Variants in PCNT observed in about 807,000 individuals in gnomAD.
PCNT encodes pericentrin, also known as kendrin.
Under a neutral mutation model 380.4 loss-of-function variants are expected in PCNT, and 319 were observed. That is an observed-to-expected ratio of 0.84 (90% confidence interval 0.77 to 0.92). The LOEUF (loss-of-function observed/expected upper bound fraction) is 0.92. Among genes scored for constraint, PCNT ranks in the 40% least tolerant of loss-of-function variants. The pLI, the probability that PCNT is intolerant of heterozygous loss-of-function variation, is 0.00. For missense variants in PCNT, 4,400 were observed against 4,255.3 expected, an observed-to-expected ratio of 1.03 and a Z score of -0.95; for synonymous variants, 1,845 against 1,735.2, an observed-to-expected ratio of 1.06 and a Z score of -1.57.
chr21:46,341,946 AT>A (rs11384688), intron 3 of PCNT, among the ~76,000 whole-genome samples: 5 of 145,062 alleles, frequency 3.4e-5, no homozygotes, highest in African/African-American at 2.5e-5. Flanking sequence ...CTTTTTACTT[AT>A]TTTTTTTTTT....
In PCNT at chr21:46,355,444, C is replaced by G; in HGVS notation, c.1762-8C>G. The G allele has an allele frequency of 6.2e-7, 1 of 1,613,500 alleles. No homozygotes were observed. The highest frequency in any genetic ancestry group is 1.7e-5 in the Admixed American group (1 of 60,034). On this transcript the variant is annotated splice_polypyrimidine_tract_variant and splice_region_variant and intron_variant, in intron 11 of 46. Coordinates refer to ENST00000359568, the MANE Select transcript of PCNT (RefSeq NM_006031.6). ...CTAACGTGCTTGTCCCACGTGGTTT[C>G]TCTGTAGGAGAGCCTGCCACGCTTC...
chr21:46,330,186 T>C (rs1266864632), intron 2 of PCNT, among the ~76,000 whole-genome samples: 1 of 152,078 alleles, frequency 6.6e-6, no homozygotes, highest in East Asian at 1.9e-4. Context: ...GGCGCAATCA[T>C]GGCTCATTCC....
intron 15 of PCNT, among the ~76,000 whole-genome samples, chr21:46,371,589 C>T (rs374406575): frequency 6.6e-6 from 1 of 152,210 alleles, no homozygotes; most frequent in Non-Finnish European, 1.5e-5. Context: ...ACTGAGTAGT[C>T]GGAATCCCCC....
chr21:46,337,469 C>T (rs532807924), intron 3 of PCNT, among the ~76,000 whole-genome samples: 9 of 152,334 alleles, frequency 5.9e-5, no homozygotes, highest in African/African-American at 2.2e-4. Flanking sequence ...TTCCCCAGCC[C>T]TTCACTAAGG....
At chr21:46,390,294 A>G (rs1274577261) in intron 19 of PCNT, among the ~76,000 whole-genome samples, 2 of 152,268 alleles carry the variant, frequency 1.3e-5, no homozygotes, top group East Asian at 3.8e-4. Flanking sequence ...GCCTGGGTGC[A>G]GAGCAAGACC....
At chr21:46,377,608 T>C (rs2085370638) in intron 15 of PCNT, among the ~76,000 whole-genome samples, 1 of 152,156 alleles carries the variant, frequency 6.6e-6, no homozygotes. Flanking sequence ...CTCGTGCCTA[T>C]AGTCCCAGCA....
At chr21:46,414,825 G>GCTC (rs948109941) in intron 29 of PCNT, among the ~76,000 whole-genome samples, 1 of 118,738 alleles carries the variant, frequency 8.4e-6, no homozygotes, top group Non-Finnish European at 1.8e-5. Flanking sequence ...CGCCCACCCT[G>GCTC]CTCCTCCTCC....
In PCNT at chr21:46,442,586, C is replaced by A; in HGVS notation, c.9700+13C>A. The A allele has an allele frequency of 6.5e-7, 1 of 1,531,804 alleles. No homozygotes were observed. The allele number at this position is 1,531,804 out of a possible 1,614,324, so 94.9% of individuals were successfully genotyped here. ...GCCCCTCGCCCAGGTGGGACTCCAG[C>A]TGCTGTTGACCGCTGGACTCACAAA... On this transcript the variant is annotated intron_variant, in intron 44 of 46. Transcript: ENST00000359568.
At position 46,431,872 on chromosome 21, in the gene PCNT, A is replaced by C. The variant is rs772047355; in HGVS notation, c.8408A>C (p.Asp2803Ala). ...KLKEEKSRVV[D>A]LQAMLEKVQQ... is the part of the protein sequence containing the mutation. ...AAGGAGGAGAAGTCCCGGGTGGTGGACTTGCAAGCGATGCTTGAAAAGGTG... is the reference window on the plus strand; with the variant it reads ...AAGGAGGAGAAGTCCCGGGTGGTGGCCTTGCAAGCGATGCTTGAAAAGGTG... Residue 2803 changes from aspartate (D) to alanine (A), a missense_variant, in exon 38 of 47, where the codon GAC (aspartate) becomes GCC (alanine). Asp to Ala is a moderately radical substitution (Grantham distance 126). Coordinates refer to ENST00000359568, the MANE Select transcript of PCNT (RefSeq NM_006031.6). 6.2e-7 allele frequency: 1 copy of C among 1,614,024 alleles called. No individual in the cohort carries two copies.
At chr21:46,440,024 C>T (rs960267092) in intron 41 of PCNT, 59 bp from the exon 42 acceptor site, 2 of 1,611,044 alleles carry the variant, frequency 1.2e-6, no homozygotes, top group Admixed American at 1.7e-5. Context: ...GGCTGCGTCT[C>T]TAAGATGCTC....
intron 41 of PCNT, among the ~76,000 whole-genome samples, chr21:46,439,170 A>G (rs2053541794): frequency 6.6e-6 from 1 of 152,136 alleles, no homozygotes; most frequent in Non-Finnish European, 1.5e-5. Flanking sequence ...ACACACACAC[A>G]CATCCCTGTA....
intron 29 of PCNT, among the ~76,000 whole-genome samples, chr21:46,413,955 C>T (rs1044179646): frequency 2.1e-4 from 32 of 151,980 alleles, no homozygotes; most frequent in African/African-American, 7.2e-4. Context: ...TCTCCTCAGG[C>T]CGCATCAGGT....
At chr21:46,418,917 C>T (rs1168783661) in intron 31 of PCNT, among the ~76,000 whole-genome samples, 1 of 152,186 alleles carries the variant, frequency 6.6e-6, no homozygotes, top group African/African-American at 2.4e-5. Flanking sequence ...TGTGATGGTG[C>T]CTGCCAGGTT....
At chr21:46,431,084 T>C in intron 37 of PCNT, 1 of 985,474 alleles carries the variant, frequency 1.0e-6, no homozygotes, top group Non-Finnish European at 1.2e-6. Context: ...GGTTATGGCT[T>C]TCAACAGCAT....
chr21:46,443,993 C>T (rs952513177), intron 45 of PCNT, 45 bp downstream of exon 45: 14 of 1,595,480 alleles, frequency 8.8e-6, no homozygotes, highest in Non-Finnish European at 1.2e-5. Flanking sequence ...AGGGCTCTCC[C>T]TCCAGCCTAC....
chr21:46,367,240 T>A, intron 15 of PCNT, 101 bp downstream of exon 15: 1 of 977,130 alleles, frequency 1.0e-6, no homozygotes, highest in Non-Finnish European at 1.6e-6. Context: ...TGTGTGTGCC[T>A]GTGCGGGTGT....
intron 28 of PCNT, among the ~76,000 whole-genome samples, chr21:46,412,506 G>A (rs1290899186): frequency 6.6e-6 from 1 of 152,166 alleles, no homozygotes; most frequent in African/African-American, 2.4e-5. Flanking sequence ...GTCTTTTAAG[G>A]CTTCCACTTG....
rs1237643335 is a variant in PCNT at position 46,432,188 on chromosome 21, G to A, written c.8724G>A (p.Arg2908=). The part of the protein sequence containing the change: ...RQSPAAAEQW[R]KWQRDKEKLR... ...GCCCAGCGGCTGCGGAGCAGTGGAG[G>A]AAGTGGCAGAGAGACAAGGAGAAGC... The change falls in exon 38 of 47, where the codon AGG becomes AGA. Residue 2908 remains arginine (R), a synonymous_variant. Transcript: ENST00000359568. 6.2e-7 allele frequency: 1 copy of A among 1,612,112 alleles called. No homozygotes were observed. Among genetic ancestry groups the A allele is most frequent in the South Asian group, 1.1e-5 (1 of 90,978 alleles).
chr21:46,415,918 A>C (rs575194813), intron 29 of PCNT, 151 bp from the exon 30 acceptor site: 8 of 714,874 alleles, frequency 1.1e-5, no homozygotes, highest in East Asian at 5.4e-5. Flanking sequence ...TCTGTTTCTC[A>C]TAGAATTAAA....
Sources: gnomAD v4.1 joint callset for allele counts (sites outside exome capture counted in the v4.1 genomes callset) on GRCh38, gnomAD v4.1.1 for gene constraint, MANE v1.5 for transcripts, NCBI Gene and HGNC (gene_info 2026-07-23, HGNC 2026-07-21) for gene names.